Variants in DLGAP2 observed in about 807,000 individuals in gnomAD.
DLGAP2 encodes disks large-associated protein 2.
A neutral mutation model predicts 100.3 loss-of-function variants in DLGAP2; 26 were observed. The observed-to-expected ratio is 0.26, with a 90% CI of 0.19 to 0.36. The LOEUF (loss-of-function observed/expected upper bound fraction) is 0.36, where lower values mean the gene tolerates loss of function less well. DLGAP2 is among the 10% of genes least tolerant of loss of function. DLGAP2 has a pLI of 1.00. For synonymous variants in DLGAP2, 886 were observed against 630.1 expected, an observed-to-expected ratio of 1.41 and a Z score of -6.08; for missense variants, 1,858 against 1,453.2, an observed-to-expected ratio of 1.28 and a Z score of -4.53.
At chr8:1,044,563 C>G (rs1442258792) in intron 2 of DLGAP2, among the ~76,000 whole-genome samples, 1 of 152,348 alleles carries the variant, frequency 6.6e-6, no homozygotes, top group Non-Finnish European at 1.5e-5. Context: ...TGCATGTGAC[C>G]TGGCAGGACA....
At chr8:1,267,478 G>C (rs1159328289) in intron 3 of DLGAP2, among the ~76,000 whole-genome samples, 1 of 149,844 alleles carries the variant, frequency 6.7e-6, no homozygotes, top group Non-Finnish European at 1.5e-5. Context: ...AGAATCGCTT[G>C]AACCCAGGAG....
intron 3 of DLGAP2, among the ~76,000 whole-genome samples, chr8:1,446,047 T>C (rs1797977016): frequency 6.6e-6 from 1 of 151,868 alleles, no homozygotes; most frequent in African/African-American, 2.4e-5. Flanking sequence ...AGGTTGCCTG[T>C]TCACTCTGAT....
At chr8:1,028,258 C>T (rs1156591863) in intron 2 of DLGAP2, among the ~76,000 whole-genome samples, 1 of 142,414 alleles carries the variant, frequency 7.0e-6, no homozygotes, top group Non-Finnish European at 1.5e-5. Context: ...GTGTCAGGCG[C>T]CCGTTATTCT....
chr8:833,416 C>T (rs1321552533), intron 1 of DLGAP2, among the ~76,000 whole-genome samples: 1 of 152,194 alleles, frequency 6.6e-6, no homozygotes, highest in Non-Finnish European at 1.5e-5. Flanking sequence ...TCTTGAGGTT[C>T]TGGGGGGACC....
intron 1 of DLGAP2, among the ~76,000 whole-genome samples, chr8:825,529 C>G (rs1232448590): frequency 6.6e-6 from 1 of 152,208 alleles, no homozygotes; most frequent in Non-Finnish European, 1.5e-5. Context: ...ACTTTGTTAG[C>G]ATGAAGTTCA....
At chr8:787,646 C>A (rs559044204) in intron 1 of DLGAP2, among the ~76,000 whole-genome samples, 1 of 152,308 alleles carries the variant, frequency 6.6e-6, no homozygotes, top group South Asian at 2.1e-4. Flanking sequence ...GTGGCCTCTT[C>A]CCCCCTTGGC....
chr8:801,859 G>A (rs4735933), intron 1 of DLGAP2, among the ~76,000 whole-genome samples: 37,833 of 152,046 alleles, frequency 0.25, 5,889 homozygotes, highest in African/African-American at 0.44. Flanking sequence ...GTGCCCTTTC[G>A]TACCTGAGCC....
intron 1 of DLGAP2, among the ~76,000 whole-genome samples, chr8:858,661 G>T (rs780556187): frequency 6.6e-6 from 1 of 151,680 alleles, no homozygotes; most frequent in Admixed American, 6.6e-5. Context: ...GTGGGCACGT[G>T]AGATGCTGTC....
At position 1,304,915 on chromosome 8, in the gene DLGAP2, A is replaced by G. The variant is rs563798738; in HGVS notation, c.106+46032A>G. The stretch of plus-strand genomic sequence containing the variant: ...CATTTGATATAATCATCTGTCATTC[A>G]TGCATATCGTGCATAAGGTAATCAT... On this transcript the variant is annotated intron_variant, in intron 3 of 14. Transcript: ENST00000637795. Among the ~76,000 whole-genome samples the G allele has an allele frequency of 2.0e-5, 3 of 152,368 alleles. No individual in the cohort carries two copies. In the South Asian group the frequency reaches 6.2e-4, roughly 32 times the overall value.
intron 12 of DLGAP2, chr8:1,680,572 T>G (rs1798920850): frequency 6.6e-6 from 1 of 152,258 alleles, no homozygotes. Context: ...CGCCGAATGT[T>G]GGGGAGATGC....
At chr8:772,938 T>G (rs1236971590) in intron 1 of DLGAP2, among the ~76,000 whole-genome samples, 8 of 152,186 alleles carry the variant, frequency 5.3e-5, no homozygotes. Flanking sequence ...GCACCCCAGA[T>G]GCATTGAGCC....
chr8:1,566,222 G>C (rs950932979), intron 6 of DLGAP2, among the ~76,000 whole-genome samples: 1 of 152,156 alleles, frequency 6.6e-6, no homozygotes. Context: ...GAATGTGTGC[G>C]TATGGGTGTG....
At chr8:1,189,194 G>C (rs915877912) in intron 2 of DLGAP2, among the ~76,000 whole-genome samples, 1 of 150,814 alleles carries the variant, frequency 6.6e-6, no homozygotes, top group Non-Finnish European at 1.5e-5. Flanking sequence ...GGTTGGGGTT[G>C]ACCTTACACA....
At chr8:1,085,340 G>A (rs1373507443) in intron 2 of DLGAP2, among the ~76,000 whole-genome samples, 1 of 151,728 alleles carries the variant, frequency 6.6e-6, no homozygotes, top group Non-Finnish European at 1.5e-5. Flanking sequence ...ATTCTTTGTT[G>A]GGCAGAAGCC....
chr8:1,383,206 A>C (rs1284602492), intron 3 of DLGAP2, among the ~76,000 whole-genome samples: 1 of 152,216 alleles, frequency 6.6e-6, no homozygotes, highest in Non-Finnish European at 1.5e-5. Flanking sequence ...GAGAAAAATA[A>C]GGGATTTTTA....
chr8:1,215,137 A>G (rs1242571361), intron 2 of DLGAP2, among the ~76,000 whole-genome samples: 1 of 152,234 alleles, frequency 6.6e-6, no homozygotes, highest in Non-Finnish European at 1.5e-5. Context: ...ATATGGTACA[A>G]AAGGGGGAGA....
At chr8:1,146,193 A>G (rs990858540) in intron 2 of DLGAP2, among the ~76,000 whole-genome samples, 1 of 152,192 alleles carries the variant, frequency 6.6e-6, no homozygotes, top group African/African-American at 2.4e-5. Flanking sequence ...GTGCTGTGAC[A>G]GCATCTTGTC....
chr8:1,256,437 T>TG, intron 2 of DLGAP2, among the ~76,000 whole-genome samples: 1 of 130,836 alleles, frequency 7.6e-6, no homozygotes, highest in African/African-American at 3.5e-5. Flanking sequence ...TGTGCGTCTG[T>TG]CCTCTCCTGC....
In DLGAP2 at chr8:1,318,825, C is replaced by A. The variant is rs573366159; in HGVS notation, c.106+59942C>A. Among the ~76,000 whole-genome samples the A allele has an allele frequency of 2.2e-5, 3 of 134,128 alleles. No individual in the cohort carries two copies. The East Asian group carries it at 7.3e-4, about 33-fold the overall frequency. 88.0% of individuals were successfully genotyped at this position (134,128 alleles called of 152,430 possible). On this transcript the variant is annotated intron_variant, in intron 3 of 14. Coordinates refer to ENST00000637795, the MANE Select transcript of DLGAP2 (RefSeq NM_001346810.2). ...CATCCTTGGGGCCTCCAATGTGTTCCCCAACAGCTGCCGGAATGGTCTTCC... is the reference window on the plus strand; with the variant it reads ...CATCCTTGGGGCCTCCAATGTGTTCACCAACAGCTGCCGGAATGGTCTTCC...
Sources: gnomAD v4.1 joint callset for allele counts (sites outside exome capture counted in the v4.1 genomes callset) on GRCh38, gnomAD v4.1.1 for gene constraint, MANE v1.5 for transcripts, NCBI Gene and HGNC (gene_info 2026-07-23, HGNC 2026-07-21) for gene names.